Variants in CACNA2D2 observed in about 807,000 individuals in gnomAD.
CACNA2D2 encodes the protein voltage-dependent calcium channel subunit alpha-2/delta-2.
CACNA2D2 carries 48 observed loss-of-function variants against 166.4 expected under a neutral mutation model. That is an observed-to-expected ratio of 0.29 (90% CI 0.23 to 0.37). The LOEUF (loss-of-function observed/expected upper bound fraction) is 0.37. Ranked by LOEUF, CACNA2D2 falls within the 10% of genes least tolerant of loss-of-function variation. CACNA2D2 has a pLI of 1.00. For synonymous variants in CACNA2D2, 561 were observed against 573.7 expected, an observed-to-expected ratio of 0.98 and a Z score of 0.32; for missense variants, 1,122 against 1,433.0, an observed-to-expected ratio of 0.78 and a Z score of 3.50.
At chr3:50,439,877 C>G (rs1250464005) in intron 2 of CACNA2D2, among the ~76,000 whole-genome samples, 4 of 152,212 alleles carry the variant, frequency 2.6e-5, no homozygotes, top group Admixed American at 1.3e-4. Context: ...TTCAAGGACC[C>G]TAGCCAGTCA....
At chr3:50,447,566 C>T (rs1708911180) in intron 2 of CACNA2D2, among the ~76,000 whole-genome samples, 1 of 152,144 alleles carries the variant, frequency 6.6e-6, no homozygotes, top group African/African-American at 2.4e-5. Flanking sequence ...CCCCATGTCC[C>T]TCCCATACCA....
At chr3:50,492,257 T>C (rs539601295) in intron 1 of CACNA2D2, among the ~76,000 whole-genome samples, 1 of 152,376 alleles carries the variant, frequency 6.6e-6, no homozygotes, top group East Asian at 1.9e-4. Flanking sequence ...CATGCCCCTC[T>C]GGCCATCCTC....
chr3:50,372,961 G>A, intron 22 of CACNA2D2: 5 of 860,026 alleles, frequency 5.8e-6, no homozygotes, highest in Non-Finnish European at 9.2e-6. Flanking sequence ...GGGGGCCCTG[G>A]AGAGCAGGGG....
chr3:50,414,065 C>T (rs1707157375), intron 3 of CACNA2D2, among the ~76,000 whole-genome samples: 1 of 152,114 alleles, frequency 6.6e-6, no homozygotes, highest in Admixed American at 6.5e-5. Context: ...GCCTCCTTTA[C>T]CTTGCAGTGC....
At position 50,503,491 on chromosome 3, in the gene CACNA2D2, T is replaced by TG. The variant is rs1223728519; in HGVS notation, c.-69dup. 1.5e-4 allele frequency: 4 copies of TG among 26,696 alleles called. No individual in the cohort carries two copies. The highest frequency in any genetic ancestry group is 3.0e-4 in the African/African-American group (2 of 6,702). The allele number at this position is 26,696 out of a possible 1,614,324, so 1.7% of individuals were successfully genotyped here. Reference sequence around the variant, plus strand: ...GCGGCGGCGGCGGCGGCGGCGGGGTTGGGGGGGCGCGGGCGGCGGGCGGTA... The same window carrying TG: ...GCGGCGGCGGCGGCGGCGGCGGGGTTGGGGGGGGCGCGGGCGGCGGGCGGTA... On this transcript the variant is annotated 5_prime_UTR_variant, in exon 1 of 38. Coordinates refer to ENST00000424201, the MANE Select transcript of CACNA2D2 (RefSeq NM_006030.4).
In CACNA2D2 at chr3:50,379,031, G is replaced by C. The variant is rs371624739; in HGVS notation, c.1261-38C>G. 1.9e-6 allele frequency: 3 copies of C among 1,612,268 alleles called. No homozygotes were observed. The highest frequency in any genetic ancestry group is 2.7e-5 in the African/African-American group (2 of 74,994). On this transcript the variant is annotated intron_variant, in intron 12 of 37. Transcript: ENST00000424201. The surrounding 1 kb of genome is among the most constrained non-coding windows in gnomAD (Gnocchi z 6.5). ...TGAGGTTACTGCTGTGGCCACCAGG[G>C]GACAGCCCTCTTCTGTACTGGGCCC... is the stretch of plus-strand genomic sequence containing the variant.
intron 6 of CACNA2D2, among the ~76,000 whole-genome samples, chr3:50,381,678 C>T (rs931011208): frequency 6.6e-6 from 1 of 152,014 alleles, no homozygotes; most frequent in Admixed American, 6.5e-5. Context: ...GGGGCAGGGG[C>T]ATGCCAGATC....
rs1454500883 is a variant in CACNA2D2, at chr3:50,401,592, C to T, written c.406-7424G>A. Among the ~76,000 whole-genome samples the T allele has an allele frequency of 2.0e-5, 3 of 152,196 alleles. No homozygotes were observed. The East Asian group carries it at 5.8e-4, about 29-fold the overall frequency. On this transcript the variant is annotated intron_variant, in intron 3 of 37. Transcript: ENST00000424201. ...GGTCAGACAGAATTTCCCAGAACAT[C>T]CTGGGCTCCCAAGGATCCTTGCTAT...
chr3:50,383,894 C>G (rs1006854020), intron 6 of CACNA2D2, among the ~76,000 whole-genome samples: 1 of 152,104 alleles, frequency 6.6e-6, no homozygotes, highest in Non-Finnish European at 1.5e-5. Flanking sequence ...ATGTGGGGAA[C>G]GGTCTCTGTG....
chr3:50,434,130 A>G (rs1028166885), intron 3 of CACNA2D2, among the ~76,000 whole-genome samples, 183 bp downstream of exon 3: 1 of 152,182 alleles, frequency 6.6e-6, no homozygotes, highest in African/African-American at 2.4e-5. Flanking sequence ...TACTCCAGAT[A>G]GTATCATCCT....
At chr3:50,466,272 ATGTGTGTGTG>A (rs10678919) in intron 2 of CACNA2D2, among the ~76,000 whole-genome samples, 2 of 149,406 alleles carry the variant, frequency 1.3e-5, no homozygotes, top group Non-Finnish European at 3.0e-5. Context: ...GTGTGTGCGC[ATGTGTGTGTG>A]TGTGTGTGTG....
intron 6 of CACNA2D2, 70 bp downstream of exon 6, chr3:50,384,126 G>C: frequency 6.3e-7 from 1 of 1,578,512 alleles, no homozygotes; most frequent in Non-Finnish European, 8.7e-7. Context: ...AGGGACTCTG[G>C]AATGCCCTGG....
rs139080093 is a variant in CACNA2D2 at position 50,386,423 on chromosome 3, C to T, written c.510+1145G>A. Among the ~76,000 whole-genome samples the T allele has an allele frequency of 2.5e-3, 376 of 152,338 alleles. 2 individuals are homozygous for T. Among genetic ancestry groups the T allele is most frequent in the African/African-American group, 8.6e-3 (359 of 41,586 alleles). The stretch of plus-strand genomic sequence containing the variant: ...CACTGATTGCTAAAATTACAGCCCG[C>T]TGCTGAGGGGGGTAAGGAATTAGAT... On this transcript the variant is annotated intron_variant, in intron 5 of 37. Coordinates refer to ENST00000424201, the MANE Select transcript of CACNA2D2 (RefSeq NM_006030.4).
In CACNA2D2 at chr3:50,365,023, G is replaced by A. The variant is rs1559870303; in HGVS notation, c.3208+52C>T. On this transcript the variant is annotated intron_variant, in intron 36 of 37. Coordinates refer to ENST00000424201, the MANE Select transcript of CACNA2D2 (RefSeq NM_006030.4). This position sits in a 1 kb window ranked among gnomAD's most constrained non-coding sequence, Gnocchi z 4.5. ...CGGACGGCGGCGGCGGCACGGAGGGGGCGCGCGGGGCAGAGGGGGAGCGGG... is the reference window on the plus strand; with the variant it reads ...CGGACGGCGGCGGCGGCACGGAGGGAGCGCGCGGGGCAGAGGGGGAGCGGG... 2.5e-6 allele frequency: 4 copies of A among 1,602,236 alleles called. No individual in the cohort carries two copies. The highest frequency in any genetic ancestry group is 1.7e-5 in the Admixed American group (1 of 59,434).
chr3:50,377,478 G>T lies in CACNA2D2; in HGVS notation c.1615C>A (p.Pro539Thr), dbSNP rs1705051616. 1.2e-6 allele frequency: 2 copies of T among 1,612,870 alleles called. No individual in the cohort carries two copies. Among genetic ancestry groups the T allele is most frequent in the Non-Finnish European group, 1.7e-6 (2 of 1,179,780 alleles). Residue 539 changes from proline to threonine, a missense_variant, in exon 17 of 38, where the codon CCC (proline) becomes ACC (threonine). Coordinates refer to ENST00000424201, the MANE Select transcript of CACNA2D2 (RefSeq NM_006030.4). ...VALNDIKRLT[P>T]NYTLGANGYV... ...AGGGGGATGCTCACCGTGTAGTTGG[G>T]GGTCAGCCTCTTGATGTCATTCAGA...
At chr3:50,419,184 AG>A (rs1707424623) in intron 3 of CACNA2D2, among the ~76,000 whole-genome samples, 1 of 152,204 alleles carries the variant, frequency 6.6e-6, no homozygotes, top group Admixed American at 6.5e-5. Context: ...GTATCATACA[AG>A]GAAGAACTTC....
chr3:50,458,339 C>G (rs1339799256), intron 2 of CACNA2D2, among the ~76,000 whole-genome samples: 1 of 152,180 alleles, frequency 6.6e-6, no homozygotes, highest in African/African-American at 2.4e-5. Flanking sequence ...CAGAGACTCC[C>G]TGCTGCTAAC....
At chr3:50,501,870 C>G (rs1698978626) in intron 1 of CACNA2D2, among the ~76,000 whole-genome samples, 1 of 152,162 alleles carries the variant, frequency 6.6e-6, no homozygotes, top group South Asian at 2.1e-4. Context: ...ATTCTTTTCT[C>G]CCTGGGCAAC....
rs1203737459 is a variant in CACNA2D2 at position 50,375,026 on chromosome 3, C to T, written c.1908-213G>A. 2.6e-5 allele frequency among the ~76,000 whole-genome samples: 4 copies of T among 152,138 alleles called. No homozygotes were observed. Among genetic ancestry groups the T allele is most frequent in the East Asian group, 1.9e-4 (1 of 5,184 alleles). The stretch of plus-strand genomic sequence containing the variant: ...CTTCTCAAACTCTCCTGGGGGCCAC[C>T]GGGCAACCAGCCCCAAAGCAAATCC... On this transcript the variant is annotated intron_variant, in intron 21 of 37. Coordinates refer to ENST00000424201, the MANE Select transcript of CACNA2D2 (RefSeq NM_006030.4). The surrounding 1 kb of genome is among the most constrained non-coding windows in gnomAD (Gnocchi z 4.0).
Sources: gnomAD v4.1 joint callset for allele counts (sites outside exome capture counted in the v4.1 genomes callset) on GRCh38, gnomAD v4.1.1 for gene constraint, Gnocchi (gnomAD v3.1) non-coding constraint, MANE v1.5 for transcripts, NCBI Gene and HGNC (gene_info 2026-07-23, HGNC 2026-07-21) for gene names.